The following SOX5 variants were observed in gnomAD, a reference collection of about 807,000 sequenced individuals.
SOX5 encodes transcription factor SOX-5.
Under a neutral mutation model 92.0 loss-of-function variants are expected in SOX5, and 9 were observed. That is an observed-to-expected ratio of 0.10 (90% confidence interval 0.06 to 0.17). The LOEUF is 0.17. Ranked by LOEUF, SOX5 falls within the 10% of genes least tolerant of loss-of-function variation. The probability of loss-of-function intolerance (pLI) is 1.00; values close to 1 mark genes in which losing one functional copy is unlikely to be tolerated. For synonymous variants in SOX5, 344 were observed against 336.3 expected (o/e 1.02, Z -0.25); for missense variants, 642 against 944.5 (o/e 0.68, Z 4.20).
chr12:24,267,365 A>G (rs1382458076), intron 3 of SOX5, among the ~76,000 whole-genome samples: 1 of 152,218 alleles, frequency 6.6e-6, no homozygotes, highest in Non-Finnish European at 1.5e-5. Context: ...ATACAATGTA[A>G]GTTACTTTCA....
At chr12:24,161,778 G>A (rs755776471) in intron 4 of SOX5, among the ~76,000 whole-genome samples, 8 of 151,992 alleles carry the variant, frequency 5.3e-5, no homozygotes, top group African/African-American at 1.4e-4. Flanking sequence ...AGGGTCCAGG[G>A]AAAAGGGAAA....
chr12:24,325,390 C>G (rs758495886), intron 2 of SOX5, among the ~76,000 whole-genome samples: 9 of 152,016 alleles, frequency 5.9e-5, no homozygotes, highest in Non-Finnish European at 1.3e-4. Context: ...TATCATATCT[C>G]AGATATGATA....
At chr12:23,621,914 A>T (rs1019024495) in intron 8 of SOX5, among the ~76,000 whole-genome samples, 34 of 152,108 alleles carry the variant, frequency 2.2e-4, no homozygotes, top group Admixed American at 2.0e-4. Context: ...TTTCATATTC[A>T]GATGACTGTT....
intron 6 of SOX5, among the ~76,000 whole-genome samples, chr12:23,678,771 G>A (rs572671061): frequency 5.3e-5 from 8 of 152,146 alleles, no homozygotes; most frequent in African/African-American, 1.4e-4. Flanking sequence ...CAAACAGATA[G>A]CAAATAAAAG....
intron 3 of SOX5, among the ~76,000 whole-genome samples, chr12:23,756,643 T>C (rs988870626): frequency 5.9e-5 from 9 of 151,956 alleles, no homozygotes; most frequent in African/African-American, 2.2e-4. Context: ...TGGAATGTAC[T>C]AAAAGATAAG....
chr12:23,626,847 T>C (rs2077885492), intron 8 of SOX5, among the ~76,000 whole-genome samples: 1 of 152,134 alleles, frequency 6.6e-6, no homozygotes, highest in Admixed American at 6.5e-5. Flanking sequence ...AATCCATTTA[T>C]GCCAGAGGTT....
intron 2 of SOX5, among the ~76,000 whole-genome samples, chr12:24,339,612 A>G (rs1393320895): frequency 6.6e-6 from 1 of 152,174 alleles, no homozygotes; most frequent in Non-Finnish European, 1.5e-5. Flanking sequence ...ACTGGAGACA[A>G]TGGGGAAAAC....
At chr12:23,970,841 A>ATATATATATATTTTTTTTTTTTTTTTT in intron 4 of SOX5, among the ~76,000 whole-genome samples, 1 of 21,884 alleles carries the variant, frequency 4.6e-5, no homozygotes, top group Non-Finnish European at 1.0e-4. Flanking sequence ...TATATATATA[A>ATATATATATATTTTTTTTTTTTTTTTT]TTTTTTTTTT....
In SOX5 at chr12:23,930,784, A is replaced by G. The variant is rs541674093; in HGVS notation, c.38+18780T>C. ...TTGCATATGGTAGAACCAGACTCAT[A>G]AACTATGGAGGATTTTACCCTACAG... On this transcript the variant is annotated intron_variant, in intron 1 of 14. Transcript: ENST00000451604. Among the ~76,000 whole-genome samples the G allele has an allele frequency of 1.6e-3, 242 of 151,824 alleles. 2 individuals carry two copies. The highest frequency in any genetic ancestry group is 5.4e-3 in the African/African-American group (223 of 41,498).
At chr12:24,487,447 T>C (rs1946631785) in intron 1 of SOX5, among the ~76,000 whole-genome samples, 1 of 152,158 alleles carries the variant, frequency 6.6e-6, no homozygotes, top group Non-Finnish European at 1.5e-5. Context: ...GTAAATATCA[T>C]AAGGGGACTG....
intron 4 of SOX5, among the ~76,000 whole-genome samples, chr12:23,964,661 A>G (rs1033942620): frequency 6.6e-6 from 1 of 152,226 alleles, no homozygotes; most frequent in African/African-American, 2.4e-5. Flanking sequence ...TTATATAAGT[A>G]ATATATGAGG....
intron 4 of SOX5, among the ~76,000 whole-genome samples, chr12:24,144,529 A>G (rs1047852953): frequency 5.9e-5 from 9 of 152,206 alleles, no homozygotes; most frequent in African/African-American, 2.2e-4. Context: ...AGAAAAGCCA[A>G]GTACAGCAGC....
chr12:23,696,429 G>T (rs1352652205), intron 6 of SOX5, among the ~76,000 whole-genome samples: 2 of 152,030 alleles, frequency 1.3e-5, no homozygotes, highest in Non-Finnish European at 2.9e-5. Flanking sequence ...AACAGCCCCT[G>T]GTTTTATGGT....
chr12:23,605,662 G>C (rs908810176), intron 8 of SOX5, among the ~76,000 whole-genome samples: 2 of 151,622 alleles, frequency 1.3e-5, no homozygotes, highest in African/African-American at 4.8e-5. Context: ...TTCTGAAAGA[G>C]AAATTCCAAA....
chr12:23,626,368 G>A (rs2077788010), intron 8 of SOX5, among the ~76,000 whole-genome samples: 1 of 152,018 alleles, frequency 6.6e-6, no homozygotes, highest in African/African-American at 2.4e-5. Context: ...AATGTTCTTA[G>A]GTTGTCTCTT....
intron 6 of SOX5, among the ~76,000 whole-genome samples, chr12:23,668,852 A>G (rs935909764): frequency 1.3e-5 from 2 of 152,202 alleles, no homozygotes; most frequent in African/African-American, 4.8e-5. Context: ...ATAGTCTCTA[A>G]GATGTTATGA....
At chr12:23,576,063 A>T (rs1416057408) in intron 9 of SOX5, among the ~76,000 whole-genome samples, 1 of 152,244 alleles carries the variant, frequency 6.6e-6, no homozygotes, top group Non-Finnish European at 1.5e-5. Context: ...ATGTGTACTC[A>T]ACTACCCACA....
chr12:24,355,095 T>C (rs1284601898), intron 2 of SOX5, among the ~76,000 whole-genome samples: 1 of 151,918 alleles, frequency 6.6e-6, no homozygotes, highest in Non-Finnish European at 1.5e-5. Flanking sequence ...ACAAACTTTG[T>C]CCCCCCAAAG....
chr12:24,261,402 T>G (rs1942066934), intron 3 of SOX5, among the ~76,000 whole-genome samples: 1 of 152,124 alleles, frequency 6.6e-6, no homozygotes, highest in Admixed American at 6.5e-5. Flanking sequence ...CAACACCCAC[T>G]CTCGTTAAAA....
Sources: gnomAD v4.1 joint callset for allele counts (sites outside exome capture counted in the v4.1 genomes callset) on GRCh38, gnomAD v4.1.1 for gene constraint, MANE v1.5 for transcripts, NCBI Gene and HGNC (gene_info 2026-07-23, HGNC 2026-07-21) for gene names.